VPS37A: variants seen among roughly 807,000 people sequenced by gnomAD.
VPS37A encodes the protein VPS37A subunit of ESCRT-I.
Under a neutral mutation model 49.8 loss-of-function variants are expected in VPS37A, and 30 were observed. That is an observed-to-expected ratio of 0.60 (90% CI 0.45 to 0.82). The LOEUF (loss-of-function observed/expected upper bound fraction) is 0.82. VPS37A is among the 40% of genes least tolerant of loss of function. The pLI, the probability that VPS37A is intolerant of heterozygous loss-of-function variation, is 0.00. For synonymous variants in VPS37A, 195 were observed against 160.6 expected, an observed-to-expected ratio of 1.21 and a Z score of -1.62; for missense variants, 593 against 464.4, an observed-to-expected ratio of 1.28 and a Z score of -2.55.
At chr8:17,267,146 G>T (rs1454543235) in intron 2 of VPS37A, among the ~76,000 whole-genome samples, 2 of 152,104 alleles carry the variant, frequency 1.3e-5, no homozygotes, top group Non-Finnish European at 2.9e-5. Flanking sequence ...TACAAACTGG[G>T]CTCCAAAGGC....
At chr8:17,254,803 G>A (rs1445729924) in intron 1 of VPS37A, among the ~76,000 whole-genome samples, 1 of 151,924 alleles carries the variant, frequency 6.6e-6, no homozygotes, top group Non-Finnish European at 1.5e-5. Flanking sequence ...CCATAAATAT[G>A]TATAACTATT....
At chr8:17,313,759 G>C in the VPS37A span, among the ~76,000 whole-genome samples, 1 of 152,056 alleles carries the variant, frequency 6.6e-6, no homozygotes, top group African/African-American at 2.4e-5. Flanking sequence ...TATGAATTGG[G>C]AGTGCTATGA....
At position 17,247,249 on chromosome 8, in the gene VPS37A, G is replaced by A; in HGVS notation, c.5G>A (p.Ser2Asn). Residue 2 changes from serine (S) to asparagine (N), a missense_variant, in exon 1 of 12, where the codon AGC becomes AAC. Transcript: ENST00000324849. ...CGGCCCGTGGACCCGAGGAGGATGAGCTGGCTTTTTCCCCTGACCAAGAGC... is the reference window on the plus strand; with the variant it reads ...CGGCCCGTGGACCCGAGGAGGATGAACTGGCTTTTTCCCCTGACCAAGAGC... MSWLFPLTKSAS... is the reference protein window; with the variant it reads MNWLFPLTKSAS... 6.4e-7 allele frequency: 1 copy of A among 1,570,640 alleles called. No homozygotes were observed. Among genetic ancestry groups the A allele is most frequent in the Non-Finnish European group, 8.6e-7 (1 of 1,157,806 alleles).
At chr8:17,294,067 C>T (rs1044746933) in intron 11 of VPS37A, among the ~76,000 whole-genome samples, 2 of 152,236 alleles carry the variant, frequency 1.3e-5, no homozygotes, top group African/African-American at 4.8e-5. Context: ...CCCCTTCCCC[C>T]AGGTGCTCTG....
chr8:17,300,348 G>A, downstream of VPS37A: 2 of 1,085,418 alleles, frequency 1.8e-6, no homozygotes, highest in South Asian at 1.7e-5. Flanking sequence ...TGACTCAGAG[G>A]GATGTGAGTT....
the VPS37A span, chr8:17,311,859 C>G: frequency 8.4e-6 from 5 of 593,926 alleles, no homozygotes; most frequent in Non-Finnish European, 1.2e-5. Context: ...AGCCACCACT[C>G]AAGTCACCTC....
At chr8:17,259,884 G>A (rs1812814090) in intron 1 of VPS37A, among the ~76,000 whole-genome samples, 1 of 152,018 alleles carries the variant, frequency 6.6e-6, no homozygotes, top group Non-Finnish European at 1.5e-5. Context: ...TGTAAGTATA[G>A]CTGCTCCTGC....
downstream of VPS37A, chr8:17,299,880 G>A (rs752553181): frequency 3.7e-6 from 6 of 1,613,902 alleles, no homozygotes; most frequent in East Asian, 2.2e-5. Flanking sequence ...TGAGAAACAC[G>A]GCTTCATCAG....
At chr8:17,271,937 C>A (rs1257647396) in intron 4 of VPS37A, 2 of 452,074 alleles carry the variant, frequency 4.4e-6, no homozygotes, top group Non-Finnish European at 8.9e-6. Context: ...CAGGAAATCT[C>A]ATCTTTCATA....
the VPS37A span, among the ~76,000 whole-genome samples, chr8:17,326,043 T>C: frequency 1.3e-5 from 2 of 152,230 alleles, no homozygotes; most frequent in African/African-American, 2.4e-5. Context: ...TACATTGCTT[T>C]ACAAATACAG....
At position 17,267,017 on chromosome 8, in the gene VPS37A, C is replaced by T. The variant is rs537301488; in HGVS notation, c.200+1036C>T. 2.0e-4 allele frequency among the ~76,000 whole-genome samples: 30 copies of T among 152,128 alleles called. No individual in the cohort carries two copies. In the East Asian group the frequency reaches 5.0e-3, roughly 26 times the overall value. ...CGAACTCCTGACCTCGTGATACACC[C>T]GCCTCGGCCTCCCAAAGTGCTGGAA... On this transcript the variant is annotated intron_variant, in intron 2 of 11. Transcript: ENST00000324849.
At chr8:17,277,540 GGTATGA>G in intron 6 of VPS37A, among the ~76,000 whole-genome samples, 1 of 151,844 alleles carries the variant, frequency 6.6e-6, no homozygotes, top group Non-Finnish European at 1.5e-5. Flanking sequence ...GAGGGCTGTA[GGTATGA>G]GTCACCATTA....
At chr8:17,280,340 A>G in intron 8 of VPS37A, 35 bp from the exon 9 acceptor site, 2 of 1,602,892 alleles carry the variant, frequency 1.2e-6, no homozygotes, top group Non-Finnish European at 1.7e-6. Context: ...TAATTTAAAA[A>G]TAGAATAAAA....
At chr8:17,301,588 C>T (rs1298696605), downstream of VPS37A, 1 of 152,276 alleles carries the variant, frequency 6.6e-6, no homozygotes, top group African/African-American at 2.4e-5. Flanking sequence ...AGCCAGACTG[C>T]TAGAATAGAC....
In VPS37A at chr8:17,247,128, C is replaced by A; in HGVS notation, c.-117C>A. The A allele has an allele frequency of 7.2e-7, 1 of 1,398,454 alleles. No individual in the cohort carries two copies. Among genetic ancestry groups the A allele is most frequent in the Non-Finnish European group, 9.7e-7 (1 of 1,026,116 alleles). The allele number at this position is 1,398,454 out of a possible 1,614,324, so 86.6% of individuals were successfully genotyped here. A position where few individuals can be genotyped will look rare whatever the true frequency, so the allele number is the denominator to read the frequency against. Reference sequence around the variant, plus strand: ...GGCTTAGAGAAGACGCGGTCCCCAGCGCTTGGGCCACGGACGTCCCACCCC... The same window carrying A: ...GGCTTAGAGAAGACGCGGTCCCCAGAGCTTGGGCCACGGACGTCCCACCCC... On this transcript the variant is annotated 5_prime_UTR_variant, in exon 1 of 12. Transcript: ENST00000324849.
At chr8:17,265,701 T>C in intron 1 of VPS37A, 1 of 1,364,642 alleles carries the variant, frequency 7.3e-7, no homozygotes, top group East Asian at 2.8e-5. Context: ...TTCCCCTGGA[T>C]AGTTTAGAAT....
At chr8:17,252,345 G>A (rs544313361) in intron 1 of VPS37A, among the ~76,000 whole-genome samples, 3 of 151,982 alleles carry the variant, frequency 2.0e-5, no homozygotes, top group African/African-American at 4.8e-5. Context: ...TGTTGTTGTT[G>A]TTGTTGTTTT....
the VPS37A span, among the ~76,000 whole-genome samples, chr8:17,310,645 T>C: frequency 1.2e-4 from 19 of 152,244 alleles, no homozygotes; most frequent in African/African-American, 3.6e-4. Context: ...TCACAGGTAA[T>C]TGGAAGTTCT....
intron 1 of VPS37A, among the ~76,000 whole-genome samples, chr8:17,249,612 A>G (rs748204643): frequency 1.3e-5 from 2 of 152,164 alleles, no homozygotes; most frequent in Non-Finnish European, 2.9e-5. Context: ...CCACTCACCT[A>G]TTCTTGTTAG....
Sources: gnomAD v4.1 joint callset for allele counts (sites outside exome capture counted in the v4.1 genomes callset) on GRCh38, gnomAD v4.1.1 for gene constraint, MANE v1.5 for transcripts, NCBI Gene and HGNC (gene_info 2026-07-23, HGNC 2026-07-21) for gene names.